CNTN5: variants seen among roughly 807,000 people sequenced by gnomAD.
CNTN5 encodes contactin 5, also known as contactin-5.
In CNTN5, 77 loss-of-function variants were observed where a neutral mutation model predicts 129.1. That is an observed-to-expected ratio of 0.60 (90% CI 0.50 to 0.72). The LOEUF (loss-of-function observed/expected upper bound fraction) is 0.72. CNTN5 is among the 30% of genes least tolerant of loss of function. The pLI, the probability that CNTN5 is intolerant of heterozygous loss-of-function variation, is 0.00. For missense variants in CNTN5, 1,478 were observed against 1,328.8 expected (o/e 1.11, Z -1.75); for synonymous variants, 509 against 465.6 (o/e 1.09, Z -1.20).
At chr11:99,280,760 T>A (rs1168539110) in intron 1 of CNTN5, among the ~76,000 whole-genome samples, 1 of 151,816 alleles carries the variant, frequency 6.6e-6, no homozygotes, top group African/African-American at 2.4e-5. Flanking sequence ...TGCAAGTACA[T>A]AATCTAAAGT....
chr11:100,328,211 C>A (rs1278426292), intron 21 of CNTN5, among the ~76,000 whole-genome samples: 2 of 151,852 alleles, frequency 1.3e-5, no homozygotes, highest in Non-Finnish European at 2.9e-5. Context: ...TAAAAATTAG[C>A]TGGGTGTGTT....
At chr11:99,659,103 G>C (rs867446573) in intron 3 of CNTN5, among the ~76,000 whole-genome samples, 1 of 152,102 alleles carries the variant, frequency 6.6e-6, no homozygotes, top group East Asian at 1.9e-4. Flanking sequence ...GGGCTTTGGA[G>C]GGTTGGGAAT....
At chr11:99,350,833 G>A (rs992744158) in intron 2 of CNTN5, among the ~76,000 whole-genome samples, 1 of 152,028 alleles carries the variant, frequency 6.6e-6, no homozygotes, top group Non-Finnish European at 1.5e-5. Context: ...GAGAAGATGT[G>A]TATGATAATT....
Position 100,070,435 on chromosome 11 carries a change from T to C in CNTN5, c.1174T>C (p.Trp392Arg). The C allele has an allele frequency of 1.2e-6, 2 of 1,612,068 alleles. No individual in the cohort carries two copies. Among genetic ancestry groups the C allele is most frequent in the Non-Finnish European group, 8.5e-7 (1 of 1,178,970 alleles). Residue 392 changes from tryptophan to arginine, a missense_variant, in exon 11 of 25, where the codon TGG becomes CGG. By Grantham distance (101) the Trp-to-Arg change is moderately radical. Transcript: ENST00000524871. ...GQLQVYTYPH[W>R]VEKLNDTQLD... ...TTACATACTTACAGCCTACCCACACTGGGTAGAAAAACTGAATGATACTCA... is the reference window on the plus strand; with the variant it reads ...TTACATACTTACAGCCTACCCACACCGGGTAGAAAAACTGAATGATACTCA...
rs148342313 is a variant in CNTN5, at chr11:100,256,297, T to C, written c.2164+379T>C. 9.7e-4 allele frequency among the ~76,000 whole-genome samples: 147 copies of C among 152,328 alleles called. 2 individuals are homozygous for C. The highest frequency in any genetic ancestry group is 1.6e-3 in the Admixed American group (24 of 15,300). ...ATGATGTTGGTGAATTGATGTTAAC[T>C]AAGATTCAGACCTTATTAGGATCTC... On this transcript the variant is annotated intron_variant, in intron 17 of 24. Transcript: ENST00000524871.
chr11:99,948,195 G>A (rs1332360954), intron 7 of CNTN5, among the ~76,000 whole-genome samples: 1 of 152,120 alleles, frequency 6.6e-6, no homozygotes, highest in Non-Finnish European at 1.5e-5. Flanking sequence ...GACTTTTCAT[G>A]GTAAAATATT....
At chr11:100,171,187 G>A (rs1489619620) in intron 13 of CNTN5, among the ~76,000 whole-genome samples, 1 of 151,972 alleles carries the variant, frequency 6.6e-6, no homozygotes, top group Non-Finnish European at 1.5e-5. Flanking sequence ...ATATTAAAAA[G>A]CTTAGCCACG....
intron 13 of CNTN5, among the ~76,000 whole-genome samples, chr11:100,156,636 C>CT (rs1475153125): frequency 6.6e-6 from 1 of 151,822 alleles, no homozygotes; most frequent in Non-Finnish European, 1.5e-5. Context: ...TGGTCCTGGG[C>CT]TTTTTTTGGT....
intron 2 of CNTN5, among the ~76,000 whole-genome samples, chr11:99,453,773 T>C (rs1306643288): frequency 6.6e-6 from 1 of 151,896 alleles, no homozygotes; most frequent in South Asian, 2.1e-4. Flanking sequence ...ATTAGAAAAA[T>C]AGGGAAAATG....
At chr11:99,296,083 T>C (rs775278467) in intron 1 of CNTN5, among the ~76,000 whole-genome samples, 4 of 152,118 alleles carry the variant, frequency 2.6e-5, no homozygotes, top group Non-Finnish European at 5.9e-5. Flanking sequence ...TTAATTTCTA[T>C]TGTTCATAGT....
intron 2 of CNTN5, among the ~76,000 whole-genome samples, chr11:99,487,576 C>T (rs944181784): frequency 6.6e-6 from 1 of 152,178 alleles, no homozygotes; most frequent in Non-Finnish European, 1.5e-5. Context: ...TGAAAACATC[C>T]TCATGAAGAG....
intron 13 of CNTN5, among the ~76,000 whole-genome samples, chr11:100,103,850 T>C (rs1387987597): frequency 6.6e-6 from 1 of 152,136 alleles, no homozygotes; most frequent in African/African-American, 2.4e-5. Context: ...GCAACTTCCA[T>C]AGGCTAATGA....
chr11:99,041,381 A>AAAAGT (rs1863978337), intron 1 of CNTN5, among the ~76,000 whole-genome samples: 1 of 152,160 alleles, frequency 6.6e-6, no homozygotes, highest in Non-Finnish European at 1.5e-5. Context: ...TCTTAAAAAT[A>AAAAGT]AAAGTAAGCC....
chr11:99,615,630 C>T (rs1003786691), intron 3 of CNTN5, among the ~76,000 whole-genome samples: 1 of 152,048 alleles, frequency 6.6e-6, no homozygotes, highest in Non-Finnish European at 1.5e-5. Context: ...CAGAGAAGTC[C>T]TATGTACCTT....
At chr11:100,036,101 C>A (rs1359751824) in intron 9 of CNTN5, among the ~76,000 whole-genome samples, 2 of 151,972 alleles carry the variant, frequency 1.3e-5, no homozygotes, top group Non-Finnish European at 2.9e-5. Context: ...ATGGTTTCAG[C>A]TCTAACATTT....
intron 3 of CNTN5, among the ~76,000 whole-genome samples, chr11:99,683,489 G>T (rs1953649889): frequency 6.6e-6 from 1 of 151,714 alleles, no homozygotes; most frequent in African/African-American, 2.4e-5. Flanking sequence ...TGTTCCATTG[G>T]TTTATTTGTA....
At chr11:99,901,436 G>A (rs1295620349) in intron 6 of CNTN5, among the ~76,000 whole-genome samples, 2 of 152,022 alleles carry the variant, frequency 1.3e-5, no homozygotes, top group Admixed American at 6.6e-5. Context: ...GATTACAGGT[G>A]TGCACCACCA....
chr11:99,893,849 G>T (rs1035727872), intron 6 of CNTN5, among the ~76,000 whole-genome samples: 3 of 151,850 alleles, frequency 2.0e-5, no homozygotes, highest in Non-Finnish European at 4.4e-5. Context: ...TCATATATTT[G>T]GCTAGAGCAA....
intron 6 of CNTN5, among the ~76,000 whole-genome samples, chr11:99,874,979 T>C (rs1242610291): frequency 6.6e-6 from 1 of 152,168 alleles, no homozygotes; most frequent in Non-Finnish European, 1.5e-5. Context: ...TCATTTCTTC[T>C]AGAAGGTCTA....
Sources: gnomAD v4.1 joint callset for allele counts (sites outside exome capture counted in the v4.1 genomes callset) on GRCh38, gnomAD v4.1.1 for gene constraint, MANE v1.5 for transcripts, NCBI Gene and HGNC (gene_info 2026-07-23, HGNC 2026-07-21) for gene names.